The following ADGRV1 variants were observed in gnomAD, a reference collection of about 807,000 sequenced individuals.
The protein encoded by ADGRV1 is G-protein coupled receptor 98.
ADGRV1 carries 359 observed loss-of-function variants against 596.2 expected under a neutral mutation model. The observed-to-expected ratio is 0.60, with a 90% CI of 0.55 to 0.66. The LOEUF is 0.66. ADGRV1 is among the 30% of genes least tolerant of loss of function. The pLI, the probability that ADGRV1 is intolerant of heterozygous loss-of-function variation, is 0.00. For synonymous variants in ADGRV1, 2,681 were observed against 2,679.2 expected (o/e 1.00, Z -0.02); for missense variants, 7,274 against 7,575.6 (o/e 0.96, Z 1.48).
Position 90,675,288 on chromosome 5 carries a change from C to T in ADGRV1, c.5156C>T (p.Ala1719Val), listed in dbSNP as rs376126357. 30 of 1,613,658 alleles carry T rather than the reference C, an allele frequency of 1.9e-5. No homozygotes were observed. The African/African-American group carries it at 2.8e-4, about 15-fold the overall frequency. The change falls in exon 24 of 90, where the codon GCA becomes GTA. Residue 1719 changes from alanine (A) to valine (V), a missense_variant. By Grantham distance (64) the Ala-to-Val change is moderately conservative. This residue lies in a region of ADGRV1 where 3,643 missense variants were observed against 3,809.2 expected (regional missense o/e 0.96). Coordinates refer to ENST00000405460, the MANE Select transcript of ADGRV1 (RefSeq NM_032119.4). The part of the protein sequence containing the change: ...STGLPPQPKD[A>V]MTLPASSVPH... ...GGGCTGCCTCCTCAGCCTAAGGACG[C>T]AATGACCCTGCCTGCAAGCAGCGTT... is the stretch of plus-strand genomic sequence containing the variant.
At chr5:91,079,999 A>T (rs1789202256) in intron 86 of ADGRV1, among the ~76,000 whole-genome samples, 1 of 152,252 alleles carries the variant, frequency 6.6e-6, no homozygotes, top group Non-Finnish European at 1.5e-5. Context: ...ACGATTCACC[A>T]TTCATCAGGC....
Position 90,829,002 on chromosome 5 carries a change from C to T in ADGRV1, c.16427C>T (p.Ala5476Val), listed in dbSNP as rs188434792. 5.6e-6 allele frequency: 9 copies of T among 1,606,932 alleles called. No homozygotes were observed. The highest frequency in any genetic ancestry group is 5.0e-5 in the Admixed American group (3 of 59,798). Residue 5476 changes from alanine (A) to valine (V), a missense_variant, in exon 77 of 90, where the codon GCA becomes GTA. By Grantham distance (64) the Ala-to-Val change is moderately conservative. Coordinates refer to ENST00000405460, the MANE Select transcript of ADGRV1 (RefSeq NM_032119.4). ...CTATATGAAGCTACTGCTGGAGCAG[C>T]AATAAACAACAGTGCCAGATTCGCA... ...VELYEATAGA[A>V]INNSARFAQI...
At chr5:90,841,060 A>G in intron 78 of ADGRV1, 75 bp downstream of exon 78, 1 of 1,003,516 alleles carries the variant, frequency 1.0e-6, no homozygotes, top group Non-Finnish European at 1.4e-6. Flanking sequence ...AACCAAAATC[A>G]CATTCTCTTT....
At chr5:90,744,548 C>T (rs1169718291) in intron 50 of ADGRV1, among the ~76,000 whole-genome samples, 2 of 152,016 alleles carry the variant, frequency 1.3e-5, no homozygotes, top group Non-Finnish European at 2.9e-5. Context: ...AAATCATAGA[C>T]TTGAAAACTG....
intron 86 of ADGRV1, 145 bp from the exon 87 acceptor site, chr5:91,102,074 C>A: frequency 1.4e-6 from 1 of 709,386 alleles, no homozygotes; most frequent in Non-Finnish European, 2.2e-6. Flanking sequence ...TGTGCCTTCT[C>A]CCCTCTGGCA....
chr5:90,643,147 G>A, intron 13 of ADGRV1, 106 bp downstream of exon 13: 3 of 1,034,734 alleles, frequency 2.9e-6, no homozygotes, highest in Non-Finnish European at 4.1e-6. Flanking sequence ...GGAAAGAGGT[G>A]GGCAAGAAAA....
In ADGRV1 at chr5:90,716,401, C is replaced by T; in HGVS notation, c.9185-66C>T. ...GGCCTAGTTTTCAATTAGACATCCA[C>T]ACTTTTTTCAGCATTTATAACCTCT... On this transcript the variant is annotated intron_variant, in intron 42 of 89. Coordinates refer to ENST00000405460, the MANE Select transcript of ADGRV1 (RefSeq NM_032119.4). 4 of 1,205,882 alleles carry T rather than the reference C, an allele frequency of 3.3e-6. No homozygotes were observed. The South Asian group carries it at 6.4e-5, about 19-fold the overall frequency. 74.7% of individuals were successfully genotyped at this position (1,205,882 alleles called of 1,614,324 possible). A position where few individuals can be genotyped will look rare whatever the true frequency, so the allele number is the denominator to read the frequency against.
chr5:90,920,056 A>T (rs1773742309), intron 83 of ADGRV1, among the ~76,000 whole-genome samples: 1 of 151,934 alleles, frequency 6.6e-6, no homozygotes, highest in African/African-American at 2.4e-5. Context: ...TAACTGTCTT[A>T]GCCTGTTCAG....
chr5:90,894,549 C>G (rs1037730083), intron 83 of ADGRV1, among the ~76,000 whole-genome samples: 3 of 152,148 alleles, frequency 2.0e-5, no homozygotes, highest in African/African-American at 7.2e-5. Context: ...TTTGACTATT[C>G]TGCTCCCATG....
At position 90,810,978 on chromosome 5, in the gene ADGRV1, A is replaced by G. The variant is rs917484320; in HGVS notation, c.15718A>G (p.Thr5240Ala). ...GGAGATGAAGAATGGCACATTCAACACTGCAGAAGTTCTTATCCGAAGAAC... is the reference window on the plus strand; with the variant it reads ...GGAGATGAAGAATGGCACATTCAACGCTGCAGAAGTTCTTATCCGAAGAAC... ...EEEMKNGTFN[T>A]AEVLIRRTGG... The change falls in exon 74 of 90, where the codon ACT becomes GCT. Residue 5240 changes from threonine to alanine, a missense_variant. Transcript: ENST00000405460. The G allele has an allele frequency of 1.2e-6, 2 of 1,614,008 alleles. No individual in the cohort carries two copies.
intron 50 of ADGRV1, among the ~76,000 whole-genome samples, chr5:90,735,804 G>T (rs1753150613): frequency 6.6e-6 from 1 of 152,042 alleles, no homozygotes; most frequent in African/African-American, 2.4e-5. Flanking sequence ...AAATGCTACA[G>T]ATTTTTGTAT....
chr5:90,835,881 T>A (rs2438380), intron 77 of ADGRV1, among the ~76,000 whole-genome samples: 1 of 152,046 alleles, frequency 6.6e-6, no homozygotes, highest in Non-Finnish European at 1.5e-5. Flanking sequence ...AGAAAGGGAA[T>A]GATAAAAAGG....
At chr5:90,565,593 G>T (rs623761) in intron 1 of ADGRV1, among the ~76,000 whole-genome samples, 47,089 of 152,070 alleles carry the variant, frequency 0.31, 8,679 homozygotes, top group Non-Finnish European at 0.42. Flanking sequence ...AAATAGATGG[G>T]TGTTTGCATT....
At chr5:90,935,403 C>G (rs1581567558) in intron 83 of ADGRV1, among the ~76,000 whole-genome samples, 2 of 152,174 alleles carry the variant, frequency 1.3e-5, no homozygotes, top group African/African-American at 4.8e-5. Context: ...AGCTTTGCAT[C>G]TCTCTGCTAC....
chr5:91,008,678 G>T (rs1581776574), intron 85 of ADGRV1, among the ~76,000 whole-genome samples: 1 of 151,646 alleles, frequency 6.6e-6, no homozygotes, highest in Non-Finnish European at 1.5e-5. Context: ...TAATTTTTGT[G>T]TTTTTAGTAG....
At chr5:90,886,216 G>A (rs1305999188) in intron 83 of ADGRV1, among the ~76,000 whole-genome samples, 3 of 151,920 alleles carry the variant, frequency 2.0e-5, no homozygotes, top group Admixed American at 1.3e-4. Flanking sequence ...CCTAATAGTC[G>A]GGAACCTTTA....
At chr5:90,944,073 A>C (rs1359855721) in intron 83 of ADGRV1, among the ~76,000 whole-genome samples, 1 of 152,196 alleles carries the variant, frequency 6.6e-6, no homozygotes, top group African/African-American at 2.4e-5. Flanking sequence ...TGGGAATTCT[A>C]TGAAGGCAAG....
chr5:91,091,543 T>C (rs1472828394), intron 86 of ADGRV1: 1 of 152,160 alleles, frequency 6.6e-6, no homozygotes, highest in African/African-American at 2.4e-5. Flanking sequence ...AATGCTTCTG[T>C]GAGCTCACAT....
chr5:90,814,207 G>A (rs1484484021), intron 74 of ADGRV1, among the ~76,000 whole-genome samples: 1 of 152,176 alleles, frequency 6.6e-6, no homozygotes, highest in African/African-American at 2.4e-5. Context: ...AAACACACAT[G>A]AGACCCTAGG....
Sources: allele counts gnomAD v4.1 joint callset (sites outside exome capture counted in the v4.1 genomes callset), GRCh38; gene constraint gnomAD v4.1.1; regional missense constraint gnomAD v4.1.1; transcripts MANE v1.5; gene names NCBI Gene and HGNC (gene_info 2026-07-23, HGNC 2026-07-21).